EFHC1: variants seen among roughly 807,000 people sequenced by gnomAD.
EFHC1 encodes the protein EF-hand domain-containing protein 1.
A neutral mutation model predicts 69.9 loss-of-function variants in EFHC1; 53 were observed. That is an observed-to-expected ratio of 0.76 (90% CI 0.61 to 0.95). The LOEUF is 0.95. Ranked by LOEUF, EFHC1 falls within the 40% of genes least tolerant of loss-of-function variation. The pLI, the probability that EFHC1 is intolerant of heterozygous loss-of-function variation, is 0.00. For synonymous variants in EFHC1, 256 were observed against 278.4 expected, an observed-to-expected ratio of 0.92 and a Z score of 0.80; for missense variants, 739 against 798.7, an observed-to-expected ratio of 0.93 and a Z score of 0.90.
chr6:52,428,253 A>G (rs147469137), intron 2 of EFHC1: 91 of 152,212 alleles, frequency 6.0e-4, no homozygotes, highest in African/African-American at 1.9e-3. Flanking sequence ...AGTAAGTTCT[A>G]TAGTGGTGAT....
chr6:52,467,181 C>CTT (rs35984636), intron 6 of EFHC1, among the ~76,000 whole-genome samples: 82 of 134,850 alleles, frequency 6.1e-4, no homozygotes, highest in Middle Eastern at 4.0e-3. Flanking sequence ...AGGACTTTGA[C>CTT]TTTTTTTTTT....
intron 7 of EFHC1, among the ~76,000 whole-genome samples, chr6:52,473,062 A>G (rs1344671235): frequency 6.6e-6 from 1 of 152,176 alleles, no homozygotes; most frequent in Non-Finnish European, 1.5e-5. Flanking sequence ...TTAAGTGGAG[A>G]GGCAAAGCAC....
At chr6:52,473,077 A>G (rs1285956621) in intron 7 of EFHC1, among the ~76,000 whole-genome samples, 2 of 152,200 alleles carry the variant, frequency 1.3e-5, no homozygotes, top group Non-Finnish European at 2.9e-5. Flanking sequence ...AAGCACCAGG[A>G]ATAGCCAAGA....
intron 2 of EFHC1, among the ~76,000 whole-genome samples, chr6:52,437,234 T>C (rs1764553893): frequency 6.6e-6 from 1 of 152,174 alleles, no homozygotes; most frequent in African/African-American, 2.4e-5. Flanking sequence ...TCTAAAGAAG[T>C]GCAATTAACC....
intron 3 of EFHC1, among the ~76,000 whole-genome samples, chr6:52,440,709 A>G (rs559331824): frequency 3.9e-5 from 6 of 152,256 alleles, no homozygotes; most frequent in East Asian, 3.9e-4. Context: ...AGGAATCACT[A>G]CACTGCTTTC....
chr6:52,450,949 C>G (rs1764903820), intron 3 of EFHC1, among the ~76,000 whole-genome samples: 1 of 152,076 alleles, frequency 6.6e-6, no homozygotes, highest in South Asian at 2.1e-4. Flanking sequence ...CAGGTGTGTA[C>G]CACCATGCCT....
intron 7 of EFHC1, among the ~76,000 whole-genome samples, chr6:52,470,776 G>C (rs1328793909): frequency 2.0e-5 from 3 of 152,158 alleles, no homozygotes; most frequent in Non-Finnish European, 4.4e-5. Flanking sequence ...GAAAAACCTG[G>C]AAAAATTAAT....
At chr6:52,443,591 T>A (rs1764713474) in intron 3 of EFHC1, among the ~76,000 whole-genome samples, 2 of 152,310 alleles carry the variant, frequency 1.3e-5, no homozygotes, top group South Asian at 4.1e-4. Context: ...AAAGATCAGA[T>A]GGTTGTAGAT....
intron 9 of EFHC1, chr6:52,487,360 G>A (rs925704018): frequency 2.6e-5 from 4 of 152,160 alleles, no homozygotes; most frequent in African/African-American, 9.7e-5. Context: ...AGCCTATTGT[G>A]TGTGTCTTTC....
chr6:52,466,979 T>C (rs66608904), intron 6 of EFHC1, among the ~76,000 whole-genome samples: 29 of 152,088 alleles, frequency 1.9e-4, no homozygotes, highest in Admixed American at 1.9e-3. Flanking sequence ...AAAAGAATTA[T>C]GATAAACTCT....
At chr6:52,423,866 A>G (rs1764243474) in intron 1 of EFHC1, 80 bp from the exon 2 acceptor site, 4 of 1,588,838 alleles carry the variant, frequency 2.5e-6, no homozygotes, top group Non-Finnish European at 3.4e-6. Flanking sequence ...GATTCAAGTT[A>G]TATTTTTAAA....
In EFHC1 at chr6:52,493,989, TTA is replaced by T; in HGVS notation, c.*1650_*1651del. On this transcript the variant is annotated 3_prime_UTR_variant, in exon 11 of 11. Coordinates refer to ENST00000371068, the MANE Select transcript of EFHC1 (RefSeq NM_018100.4). ...GCTTATTGAAAGGGCTGTGAATGTATTATGTTGATTCCTTTTCTGTTCCAGGT... is the reference window on the plus strand; with the variant it reads ...GCTTATTGAAAGGGCTGTGAATGTATTGTTGATTCCTTTTCTGTTCCAGGT... 2.2e-6 allele frequency: 1 copy of T among 454,112 alleles called. No homozygotes were observed. The highest frequency in any genetic ancestry group is 4.4e-6 in the Non-Finnish European group (1 of 226,796). The allele number at this position is 454,112 out of a possible 1,614,324, so 28.1% of individuals were successfully genotyped here.
rs1765533804 is a variant in EFHC1 at position 52,475,802 on chromosome 6, G to T, written c.1279-3235G>T. Among the ~76,000 whole-genome samples the T allele has an allele frequency of 2.6e-5, 4 of 152,328 alleles. 1 individual carries two copies. Among genetic ancestry groups the T allele is most frequent in the African/African-American group, 9.6e-5 (4 of 41,572 alleles). ...ATACCAAAGGTACAGTGGAGAACAA[G>T]ATAGACAAATATTTGCTCTCATGGA... On this transcript the variant is annotated intron_variant, in intron 7 of 10. Transcript: ENST00000371068.
In EFHC1 at chr6:52,490,790, G is replaced by T; in HGVS notation, c.1851+440G>T. ...CCACTGCAGGAGGGCTGTGGCATCT[G>T]TCAGTAGTGGTAGCATGGCCAGCAG... On this transcript the variant is annotated intron_variant, in intron 10 of 10. Transcript: ENST00000371068. 2 of 215,960 alleles carry T rather than the reference G, an allele frequency of 9.3e-6. 1 individual carries two copies. Among genetic ancestry groups the T allele is most frequent in the South Asian group, 2.9e-4 (2 of 6,930 alleles). 13.4% of individuals were successfully genotyped at this position (215,960 alleles called of 1,614,324 possible). A position where few individuals can be genotyped will look rare whatever the true frequency, so the allele number is the denominator to read the frequency against.
intron 3 of EFHC1, among the ~76,000 whole-genome samples, chr6:52,446,430 C>T (rs934061822): frequency 6.6e-6 from 1 of 152,082 alleles, no homozygotes; most frequent in African/African-American, 2.4e-5. Flanking sequence ...TTCTGCCATC[C>T]CTTTATTTTG....
intron 7 of EFHC1, among the ~76,000 whole-genome samples, chr6:52,470,368 G>A (rs994072588): frequency 8.5e-5 from 13 of 152,130 alleles, no homozygotes; most frequent in Non-Finnish European, 1.8e-4. Context: ...TGTGGTACTA[G>A]ATTCTTTCAG....
At chr6:52,469,496 A>G (rs1281166429) in intron 7 of EFHC1, 23 bp downstream of exon 7, 6 of 1,612,724 alleles carry the variant, frequency 3.7e-6, no homozygotes, top group South Asian at 2.2e-5. Flanking sequence ...TTTATATACT[A>G]AAGATTCTCT....
At chr6:52,433,340 T>G (rs1764455815) in intron 2 of EFHC1, among the ~76,000 whole-genome samples, 1 of 152,206 alleles carries the variant, frequency 6.6e-6, no homozygotes, top group Admixed American at 6.5e-5. Context: ...TCAAGGCTGT[T>G]GTTCAGATTC....
chr6:52,464,055 G>A (rs1765237533), intron 5 of EFHC1, among the ~76,000 whole-genome samples: 1 of 152,188 alleles, frequency 6.6e-6, no homozygotes, highest in East Asian at 1.9e-4. Flanking sequence ...AGGGTTCTGT[G>A]CCAAAGCTTT....
Sources: allele counts gnomAD v4.1 joint callset (sites outside exome capture counted in the v4.1 genomes callset), GRCh38; gene constraint gnomAD v4.1.1; transcripts MANE v1.5; gene names NCBI Gene and HGNC (gene_info 2026-07-23, HGNC 2026-07-21).